Variants in SMARCA2 observed in about 807,000 individuals in gnomAD.
SMARCA2 encodes the protein SWI/SNF-related matrix-associated actin-dependent regulator of chromatin subfamily A member 2.
Under a neutral mutation model 199.8 loss-of-function variants are expected in SMARCA2, and 61 were observed. The ratio of observed to expected loss-of-function variants is 0.31; its 90% CI spans 0.25 to 0.38. SMARCA2 has a LOEUF of 0.38. Ranked by LOEUF, SMARCA2 falls within the 10% of genes least tolerant of loss-of-function variation. SMARCA2 has a pLI of 1.00. For synonymous variants in SMARCA2, 935 were observed against 732.0 expected, an observed-to-expected ratio of 1.28 and a Z score of -4.48; for missense variants, 1,344 against 2,012.2, an observed-to-expected ratio of 0.67 and a Z score of 6.35.
Position 2,056,964 on chromosome 9 carries a change from C to T in SMARCA2, c.1347+119C>T, listed in dbSNP as rs1820381116. The T allele has an allele frequency of 6.2e-6, 5 of 812,430 alleles. No individual in the cohort carries two copies. The highest frequency in any genetic ancestry group is 5.7e-5 in the Admixed American group (2 of 35,266). The allele number at this position is 812,430 out of a possible 1,614,324, so 50.3% of individuals were successfully genotyped here. On this transcript the variant is annotated intron_variant, in intron 7 of 33. Coordinates refer to ENST00000349721, the MANE Select transcript of SMARCA2 (RefSeq NM_003070.5). The surrounding 1 kb of genome is among the most constrained non-coding windows in gnomAD (Gnocchi z 4.0). ...TGTGGGTGGTGGGGACATCACAGAA[C>T]AGAACGGTTCCTTGACATGTACATA...
intron 27 of SMARCA2, among the ~76,000 whole-genome samples, chr9:2,130,458 A>G (rs1823893576): frequency 6.6e-6 from 1 of 152,210 alleles, no homozygotes; most frequent in Admixed American, 6.5e-5. Flanking sequence ...TTGGAAGTCA[A>G]AGATGTTGTC....
At chr9:2,124,779 C>T (rs774300028) in intron 27 of SMARCA2, among the ~76,000 whole-genome samples, 2 of 152,140 alleles carry the variant, frequency 1.3e-5, no homozygotes, top group Non-Finnish European at 2.9e-5. Flanking sequence ...TTAGGAGTCG[C>T]GTGTGTGAAC....
intron 27 of SMARCA2, among the ~76,000 whole-genome samples, chr9:2,136,900 C>G (rs919831483): frequency 6.6e-5 from 10 of 152,146 alleles, no homozygotes; most frequent in African/African-American, 1.9e-4. Context: ...TGTCATTCCT[C>G]TGGATGTTAT....
chr9:2,114,490 A>G (rs1168496120), intron 24 of SMARCA2, among the ~76,000 whole-genome samples: 1 of 152,214 alleles, frequency 6.6e-6, no homozygotes, highest in African/African-American at 2.4e-5. Context: ...CTCTCTGCAA[A>G]TTATGGTGCC....
At chr9:2,186,989 C>T (rs886720245) in intron 32 of SMARCA2, among the ~76,000 whole-genome samples, 1 of 152,178 alleles carries the variant, frequency 6.6e-6, no homozygotes, top group African/African-American at 2.4e-5. Context: ...GTTGTGGGGC[C>T]TGAGAATCCG....
In SMARCA2 at chr9:2,159,097, C is replaced by A. The variant is rs573299902; in HGVS notation, c.3982-2589C>A. On this transcript the variant is annotated intron_variant, in intron 27 of 33. Transcript: ENST00000349721. ...TTCTGTTTGCAATTTAATTTGTTTT[C>A]GCTTCTTAGCTACTCACAGATTTAG... The A allele has an allele frequency of 1.1e-4, 136 of 1,216,370 alleles. 1 individual carries two copies. The highest frequency in any genetic ancestry group is 1.9e-5 in the Non-Finnish European group (16 of 863,398). The allele number at this position is 1,216,370 out of a possible 1,614,324, so 75.3% of individuals were successfully genotyped here. A position where few individuals can be genotyped will look rare whatever the true frequency, so the allele number is the denominator to read the frequency against.
chr9:2,115,712 A>G lies in SMARCA2; in HGVS notation c.3457-110A>G. 2.5e-6 allele frequency: 2 copies of G among 784,676 alleles called. No individual in the cohort carries two copies. The highest frequency in any genetic ancestry group is 4.1e-6 in the Non-Finnish European group (2 of 483,908). 48.6% of individuals were successfully genotyped at this position (784,676 alleles called of 1,614,324 possible). ...TAAAATGTAGGCAAAATCTTACCTT[A>G]GTGAAGGTGAAATACAGAACCCTTC... On this transcript the variant is annotated intron_variant, in intron 24 of 33. Coordinates refer to ENST00000349721, the MANE Select transcript of SMARCA2 (RefSeq NM_003070.5). The surrounding 1 kb of genome is among the most constrained non-coding windows in gnomAD (Gnocchi z 6.0).
In SMARCA2 at chr9:2,115,476, G is replaced by C. The variant is rs561517969; in HGVS notation, c.3457-346G>C. On this transcript the variant is annotated intron_variant, in intron 24 of 33. Coordinates refer to ENST00000349721, the MANE Select transcript of SMARCA2 (RefSeq NM_003070.5). This position sits in a 1 kb window ranked among gnomAD's most constrained non-coding sequence, Gnocchi z 6.0. ...ACTTAAGGTTAGTTGTAGGTGTTAT[G>C]TAAGTCATAATTCTGACATTGGACA... 3.3e-5 allele frequency among the ~76,000 whole-genome samples: 5 copies of C among 152,310 alleles called. No individual in the cohort carries two copies. The highest frequency in any genetic ancestry group is 3.3e-4 in the Admixed American group (5 of 15,308).
At chr9:2,145,190 C>A (rs1321161088) in intron 27 of SMARCA2, among the ~76,000 whole-genome samples, 1 of 151,712 alleles carries the variant, frequency 6.6e-6, no homozygotes, top group East Asian at 1.9e-4. Flanking sequence ...TCTCTCTGAG[C>A]TACTTGGGAG....
chr9:2,085,900 C>G (rs10964691), intron 17 of SMARCA2: 13,735 of 152,154 alleles, frequency 0.09, 752 homozygotes, highest in Middle Eastern at 0.14. Context: ...TCATTGTTCT[C>G]ACTTTAAGAA....
intron 29 of SMARCA2, among the ~76,000 whole-genome samples, chr9:2,176,192 T>G (rs1044716956): frequency 3.3e-5 from 5 of 150,302 alleles, no homozygotes; most frequent in African/African-American, 5.0e-5. Context: ...GTTTTTTTTT[T>G]TTTTTTTTTT....
intron 21 of SMARCA2, 117 bp from the exon 22 acceptor site, chr9:2,101,453 T>G: frequency 1.9e-6 from 1 of 522,252 alleles, no homozygotes; most frequent in South Asian, 3.4e-5. Flanking sequence ...TTTTGCTTAT[T>G]CATTAATTAT....
At chr9:2,116,746 T>C (rs1823232476) in intron 25 of SMARCA2, among the ~76,000 whole-genome samples, 1 of 152,218 alleles carries the variant, frequency 6.6e-6, no homozygotes, top group Admixed American at 6.5e-5. Flanking sequence ...CATTCCAAAA[T>C]GGATTTGAAG....
At chr9:2,048,793 T>C (rs1405129606) in intron 5 of SMARCA2, among the ~76,000 whole-genome samples, 2 of 152,238 alleles carry the variant, frequency 1.3e-5, no homozygotes, top group Non-Finnish European at 2.9e-5. Context: ...TGTCAATTGA[T>C]ATTTCAGTGC....
At chr9:2,068,300 A>G (rs1203355613) in intron 9 of SMARCA2, among the ~76,000 whole-genome samples, 1 of 152,238 alleles carries the variant, frequency 6.6e-6, no homozygotes, top group Non-Finnish European at 1.5e-5. Context: ...CTGAGGTGAC[A>G]TAAATAGAAA....
chr9:2,176,478 T>TAACA (rs894565852), intron 29 of SMARCA2, among the ~76,000 whole-genome samples: 6 of 152,140 alleles, frequency 3.9e-5, no homozygotes, highest in Non-Finnish European at 5.9e-5. Context: ...TTCAGTCTCC[T>TAACA]AACAGGGAAC....
chr9:2,166,511 A>G (rs955230102), intron 28 of SMARCA2, among the ~76,000 whole-genome samples: 1 of 152,146 alleles, frequency 6.6e-6, no homozygotes, highest in African/African-American at 2.4e-5. Context: ...TTTTGAACCT[A>G]TGCCTACTGA....
At chr9:2,065,908 G>A (rs1055910649) in intron 9 of SMARCA2, among the ~76,000 whole-genome samples, 3 of 152,142 alleles carry the variant, frequency 2.0e-5, no homozygotes, top group Admixed American at 6.5e-5. Flanking sequence ...CAGAAGTTTC[G>A]AGAAAAGTCC....
At chr9:2,036,177 A>T (rs769110843) in intron 3 of SMARCA2, among the ~76,000 whole-genome samples, 20 of 147,830 alleles carry the variant, frequency 1.4e-4, no homozygotes, top group Non-Finnish European at 2.0e-4. Flanking sequence ...ATATTTAAAT[A>T]GTGTGTGTGT....
Sources: allele counts gnomAD v4.1 joint callset (sites outside exome capture counted in the v4.1 genomes callset), GRCh38; gene constraint gnomAD v4.1.1; non-coding constraint Gnocchi (gnomAD v3.1); transcripts MANE v1.5; gene names NCBI Gene and HGNC (gene_info 2026-07-23, HGNC 2026-07-21).